Variants in CSMD3 observed in about 807,000 individuals in gnomAD.
CSMD3 encodes CUB and sushi domain-containing protein 3.
In CSMD3, 177 loss-of-function variants were observed where a neutral mutation model predicts 435.2. The ratio of observed to expected loss-of-function variants is 0.41; its 90% CI spans 0.36 to 0.46. The LOEUF (loss-of-function observed/expected upper bound fraction) is 0.46. CSMD3 is among the 20% of genes least tolerant of loss of function. The probability of loss-of-function intolerance (pLI) is 0.34; values close to 1 mark genes in which losing one functional copy is unlikely to be tolerated. For synonymous variants in CSMD3, 1,656 were observed against 1,520.5 expected, an observed-to-expected ratio of 1.09 and a Z score of -2.07; for missense variants, 4,265 against 4,504.6, an observed-to-expected ratio of 0.95 and a Z score of 1.52.
intron 59 of CSMD3, among the ~76,000 whole-genome samples, chr8:112,278,639 A>G (rs2046657651): frequency 6.6e-6 from 1 of 152,162 alleles, no homozygotes; most frequent in Non-Finnish European, 1.5e-5. Context: ...TGCAATAAGT[A>G]TGCTTATCCA....
chr8:113,128,492 G>A (rs1354613295), intron 4 of CSMD3, among the ~76,000 whole-genome samples: 1 of 151,828 alleles, frequency 6.6e-6, no homozygotes, highest in East Asian at 1.9e-4. Context: ...CAATGCTTAT[G>A]TCAAAACAAA....
chr8:113,132,517 C>T (rs969449227), intron 4 of CSMD3, among the ~76,000 whole-genome samples: 2 of 152,044 alleles, frequency 1.3e-5, no homozygotes, highest in Non-Finnish European at 2.9e-5. Context: ...TGCTCCACCA[C>T]GCTAAGATGT....
intron 5 of CSMD3, among the ~76,000 whole-genome samples, chr8:113,040,407 T>C (rs1214065962): frequency 6.6e-6 from 1 of 152,166 alleles, no homozygotes; most frequent in Non-Finnish European, 1.5e-5. Flanking sequence ...TGATAAAAAC[T>C]GAGCTGATGT....
intron 3 of CSMD3, among the ~76,000 whole-genome samples, chr8:113,234,066 A>G (rs1023788975): frequency 6.6e-6 from 1 of 152,132 alleles, no homozygotes; most frequent in African/African-American, 2.4e-5. Context: ...CTATCTTCCA[A>G]AGTCTGTTAC....
chr8:113,222,553 G>A (rs1305305188), intron 3 of CSMD3, among the ~76,000 whole-genome samples: 3 of 150,984 alleles, frequency 2.0e-5, no homozygotes, highest in African/African-American at 7.3e-5. Context: ...ATTTTACGAG[G>A]AGAAATAACT....
chr8:113,390,731 G>A (rs1283118126), intron 1 of CSMD3, among the ~76,000 whole-genome samples: 3 of 151,904 alleles, frequency 2.0e-5, no homozygotes, highest in Non-Finnish European at 4.4e-5. Flanking sequence ...AAGAATAAGT[G>A]ACTAAATGAA....
intron 10 of CSMD3, among the ~76,000 whole-genome samples, chr8:112,907,764 C>T (rs1231197424): frequency 6.6e-6 from 1 of 151,078 alleles, no homozygotes; most frequent in Non-Finnish European, 1.5e-5. Flanking sequence ...CTCCAAAATG[C>T]CAGGTTAACA....
intron 3 of CSMD3, among the ~76,000 whole-genome samples, chr8:113,193,654 T>C (rs2092615885): frequency 6.6e-6 from 1 of 151,590 alleles, no homozygotes; most frequent in Admixed American, 6.6e-5. Flanking sequence ...GACCACGTGT[T>C]TCCTCTTTTA....
intron 13 of CSMD3, among the ~76,000 whole-genome samples, chr8:112,788,683 G>C (rs962903950): frequency 2.6e-5 from 4 of 152,124 alleles, no homozygotes; most frequent in Middle Eastern, 6.8e-3. Context: ...CTGGCACATA[G>C]AGGAAACTCT....
intron 38 of CSMD3, among the ~76,000 whole-genome samples, chr8:112,365,828 C>T (rs758724665): frequency 2.0e-5 from 3 of 152,126 alleles, no homozygotes; most frequent in Admixed American, 6.6e-5. Context: ...AATATCATCT[C>T]GTTTGTGCTC....
At chr8:112,746,525 A>C (rs1421418051) in intron 13 of CSMD3, among the ~76,000 whole-genome samples, 1 of 152,198 alleles carries the variant, frequency 6.6e-6, no homozygotes, top group Non-Finnish European at 1.5e-5. Flanking sequence ...AATATGCTTT[A>C]TTAAAATCCT....
At chr8:112,465,268 T>C (rs1817843295) in intron 32 of CSMD3, among the ~76,000 whole-genome samples, 1 of 152,172 alleles carries the variant, frequency 6.6e-6, no homozygotes, top group Non-Finnish European at 1.5e-5. Flanking sequence ...TCAAAATCAA[T>C]ACTATTGAAA....
At chr8:112,459,721 G>A (rs1166615959) in intron 32 of CSMD3, among the ~76,000 whole-genome samples, 1 of 152,110 alleles carries the variant, frequency 6.6e-6, no homozygotes, top group Non-Finnish European at 1.5e-5. Flanking sequence ...AACACAATAA[G>A]CATTTGTTGA....
intron 4 of CSMD3, among the ~76,000 whole-genome samples, chr8:113,147,171 G>A (rs771413405): frequency 1.3e-5 from 2 of 151,556 alleles, no homozygotes; most frequent in African/African-American, 2.4e-5. Flanking sequence ...TCCTTACAGA[G>A]AAATAAAAGG....
At chr8:112,588,909 GT>G (rs1316586650) in intron 22 of CSMD3, among the ~76,000 whole-genome samples, 1 of 151,950 alleles carries the variant, frequency 6.6e-6, no homozygotes, top group Non-Finnish European at 1.5e-5. Context: ...TTTCTACTAG[GT>G]TTTTGGAATA....
chr8:113,185,567 T>C (rs540465689), intron 3 of CSMD3, among the ~76,000 whole-genome samples: 34 of 152,178 alleles, frequency 2.2e-4, no homozygotes, highest in African/African-American at 8.2e-4. Context: ...CCCCCTGTTT[T>C]AGACAACCAA....
intron 24 of CSMD3, among the ~76,000 whole-genome samples, chr8:112,569,460 C>T (rs1463598162): frequency 6.6e-6 from 1 of 152,128 alleles, no homozygotes; most frequent in Non-Finnish European, 1.5e-5. Context: ...AGGCCATTTA[C>T]TATACTTAGC....
intron 5 of CSMD3, among the ~76,000 whole-genome samples, chr8:113,028,944 G>C (rs2086977638): frequency 6.6e-6 from 1 of 151,584 alleles, no homozygotes; most frequent in Admixed American, 6.6e-5. Flanking sequence ...CAATGCAGAA[G>C]AAGTAGCTTT....
At chr8:112,256,031 T>C (rs1229210330) in intron 61 of CSMD3, 3 of 152,394 alleles carry the variant, frequency 2.0e-5, no homozygotes, top group Non-Finnish European at 2.9e-5. Flanking sequence ...AACTATGGAA[T>C]GTCAATGTTC....
Sources: gnomAD v4.1 joint callset for allele counts (sites outside exome capture counted in the v4.1 genomes callset) on GRCh38, gnomAD v4.1.1 for gene constraint, MANE v1.5 for transcripts, NCBI Gene and HGNC (gene_info 2026-07-23, HGNC 2026-07-21) for gene names.